Variants in ARHGAP35 observed in about 807,000 individuals in gnomAD.
The protein encoded by ARHGAP35 is rho GTPase-activating protein 35.
ARHGAP35 carries 15 observed loss-of-function variants against 111.1 expected under a neutral mutation model. The observed-to-expected ratio is 0.13, with a 90% CI of 0.09 to 0.21. The LOEUF (loss-of-function observed/expected upper bound fraction) is 0.21, where lower values mean the gene tolerates loss of function less well. Among genes scored for constraint, ARHGAP35 ranks in the 10% least tolerant of loss-of-function variants. The pLI is 1.00. For missense variants in ARHGAP35, 1,262 were observed against 1,873.0 expected (o/e 0.67, Z 6.02); for synonymous variants, 643 against 710.3 (o/e 0.91, Z 1.51).
rs946758541 is a variant in ARHGAP35, at chr19:46,926,930, C to T, written c.3681+4574C>T. ...ACCAGCTGGGGAATTGGACTGCTTG[C>T]TCCCCTGGGAGGGATGTTGAGTTTT... On this transcript the variant is annotated intron_variant, in intron 2 of 6. Coordinates refer to ENST00000672722, the MANE Select transcript of ARHGAP35 (RefSeq NM_004491.5). This position sits in a 1 kb window ranked among gnomAD's most constrained non-coding sequence, Gnocchi z 4.1. Among the ~76,000 whole-genome samples the T allele has an allele frequency of 2.6e-5, 4 of 152,198 alleles. No homozygotes were observed. Among genetic ancestry groups the T allele is most frequent in the Admixed American group, 1.3e-4 (2 of 15,286 alleles).
In ARHGAP35 at chr19:46,988,147, C is replaced by A; in HGVS notation, c.3904+81C>A. The A allele has an allele frequency of 7.5e-7, 1 of 1,333,780 alleles. No individual in the cohort carries two copies. The highest frequency in any genetic ancestry group is 2.4e-5 in the East Asian group (1 of 41,080). 82.6% of individuals were successfully genotyped at this position (1,333,780 alleles called of 1,614,324 possible). A position where few individuals can be genotyped will look rare whatever the true frequency, so the allele number is the denominator to read the frequency against. ...CTGCCTCGGTGAACTGTCTGTGGGG[C>A]TTCGGAGCACTCCTGCCAGCACAGA... On this transcript the variant is annotated intron_variant, in intron 4 of 6. Transcript: ENST00000672722. The surrounding 1 kb of genome is among the most constrained non-coding windows in gnomAD (Gnocchi z 5.4).
At position 46,920,694 on chromosome 19, in the gene ARHGAP35, T is replaced by C. The variant is rs2056193562; in HGVS notation, c.2019T>C (p.Tyr673=). Reference sequence around the variant, plus strand: ...ACAATTCAAAGGAATCGCTATCCTATGTAGTGGAAAGTATAGAGAAGAGTA... The same window carrying C: ...ACAATTCAAAGGAATCGCTATCCTACGTAGTGGAAAGTATAGAGAAGAGTA... The part of the protein sequence containing the change: ...CLYNSKESLS[Y]VVESIEKSRE... The change falls in exon 2 of 7, where the codon TAT becomes TAC. Residue 673 remains tyrosine (Y), a synonymous_variant. Coordinates refer to ENST00000672722, the MANE Select transcript of ARHGAP35 (RefSeq NM_004491.5). This position sits in a 1 kb window ranked among gnomAD's most constrained non-coding sequence, Gnocchi z 7.0. 6.2e-7 allele frequency: 1 copy of C among 1,613,774 alleles called. No homozygotes were observed. Among genetic ancestry groups the C allele is most frequent in the Non-Finnish European group, 8.5e-7 (1 of 1,179,876 alleles).
chr19:46,946,012 C>T (rs1402588098), intron 3 of ARHGAP35, among the ~76,000 whole-genome samples: 1 of 152,100 alleles, frequency 6.6e-6, no homozygotes, highest in Admixed American at 6.5e-5. Flanking sequence ...CAGAAGGCAC[C>T]CATCTTCTCT....
At chr19:46,916,495 C>T (rs1353327063) in intron 1 of ARHGAP35, among the ~76,000 whole-genome samples, 1 of 152,140 alleles carries the variant, frequency 6.6e-6, no homozygotes, top group Non-Finnish European at 1.5e-5. Flanking sequence ...TTTTAATATG[C>T]TGAATCATCA....
intron 3 of ARHGAP35, among the ~76,000 whole-genome samples, chr19:46,939,181 C>T (rs1481245370): frequency 1.3e-5 from 2 of 151,912 alleles, no homozygotes; most frequent in African/African-American, 4.8e-5. Flanking sequence ...TCACTTATTG[C>T]CCAGGCTAGT....
chr19:46,984,537 T>C (rs1016409113), intron 3 of ARHGAP35, among the ~76,000 whole-genome samples: 2 of 152,216 alleles, frequency 1.3e-5, no homozygotes, highest in African/African-American at 4.8e-5. Flanking sequence ...TTTTTAATCT[T>C]TTTTTAATTG....
chr19:46,873,623 C>T (rs966277652), intron 1 of ARHGAP35, among the ~76,000 whole-genome samples: 2 of 127,986 alleles, frequency 1.6e-5, no homozygotes, highest in Non-Finnish European at 3.3e-5. Flanking sequence ...GCTGACAGAG[C>T]GAGACTCTTT....
intron 3 of ARHGAP35, among the ~76,000 whole-genome samples, chr19:46,975,623 G>A (rs989158883): frequency 7.1e-6 from 1 of 141,834 alleles, no homozygotes; most frequent in Non-Finnish European, 1.6e-5. Flanking sequence ...TCTGGCAGAG[G>A]CCGTTCACAG....
rs1372962349 is a variant in ARHGAP35, at chr19:46,920,882, C to T, written c.2207C>T (p.Ala736Val). Reference protein sequence around the residue: ...SKLQCVFLDPASAGIGYGRNI... With the variant: ...SKLQCVFLDPVSAGIGYGRNI... ...CTTCAGTGTGTCTTTCTCGACCCTG[C>T]TTCTGCTGGCATTGGTTACGGACGC... The change falls in exon 2 of 7, where the codon GCT (alanine) becomes GTT (valine). Residue 736 changes from alanine (A) to valine (V), a missense_variant. Ala to Val is a moderately conservative substitution (Grantham distance 64, BLOSUM62 0). Coordinates refer to ENST00000672722, the MANE Select transcript of ARHGAP35 (RefSeq NM_004491.5). The surrounding 1 kb of genome is among the most constrained non-coding windows in gnomAD (Gnocchi z 7.0). The T allele has an allele frequency of 1.2e-6, 2 of 1,613,962 alleles. No homozygotes were observed. Among genetic ancestry groups the T allele is most frequent in the Admixed American group, 1.7e-5 (1 of 60,004 alleles).
intron 1 of ARHGAP35, among the ~76,000 whole-genome samples, chr19:46,872,418 T>C (rs994579217): frequency 6.6e-6 from 1 of 151,904 alleles, no homozygotes; most frequent in African/African-American, 2.4e-5. Flanking sequence ...AAAAAAAGAT[T>C]AAACAAGTTT....
intron 1 of ARHGAP35, among the ~76,000 whole-genome samples, chr19:46,863,775 C>T (rs760663045): frequency 3.9e-5 from 6 of 152,264 alleles, no homozygotes; most frequent in South Asian, 4.1e-4. Flanking sequence ...ACAGTTGGAC[C>T]TAGGGAAGCT....
At chr19:46,963,814 C>A (rs2056498152) in intron 3 of ARHGAP35, among the ~76,000 whole-genome samples, 1 of 152,148 alleles carries the variant, frequency 6.6e-6, no homozygotes, top group African/African-American at 2.4e-5. Context: ...TTCACAAATG[C>A]CAGCAGATGC....
At chr19:46,868,974 C>T (rs1186562512) in intron 1 of ARHGAP35, among the ~76,000 whole-genome samples, 1 of 126,882 alleles carries the variant, frequency 7.9e-6, no homozygotes, top group Non-Finnish European at 1.6e-5. Flanking sequence ...GGTACCATCT[C>T]AGCTCACTAC....
intron 2 of ARHGAP35, among the ~76,000 whole-genome samples, chr19:46,934,049 T>C (rs906802831): frequency 2.0e-5 from 3 of 152,242 alleles, no homozygotes; most frequent in Non-Finnish European, 4.4e-5. Context: ...TTTCTGTTCC[T>C]TCACAGCGGT....
chr19:46,987,417 GT>G (rs1466234381), intron 3 of ARHGAP35, among the ~76,000 whole-genome samples: 1 of 151,284 alleles, frequency 6.6e-6, no homozygotes, highest in Non-Finnish European at 1.5e-5. Flanking sequence ...GTTTCACTAT[GT>G]TGGCCAGGCT....
At position 46,921,215 on chromosome 19, in the gene ARHGAP35, G is replaced by A. The variant is rs1191947591; in HGVS notation, c.2540G>A (p.Arg847Lys). The change falls in exon 2 of 7, where the codon AGA (arginine) becomes AAA (lysine). Residue 847 changes from arginine to lysine, a missense_variant. Around this residue, in one of 8 missense-constraint regions of ARHGAP35, gnomAD observed 579 missense variants for 716.9 expected, o/e 0.81. Transcript: ENST00000672722. The surrounding 1 kb of genome is among the most constrained non-coding windows in gnomAD (Gnocchi z 4.3). ...TCATACCATTCCTCCTTTAGCATCA[G>A]AAAGAGCCGGTTGGTTCATGGGTAC... ...VLSYHSSFSI[R>K]KSRLVHGYIV... is the part of the protein sequence containing the mutation. 1 of 1,613,900 alleles carries A rather than the reference G, an allele frequency of 6.2e-7. No homozygotes were observed. Among genetic ancestry groups the A allele is most frequent in the Non-Finnish European group, 8.5e-7 (1 of 1,179,910 alleles).
rs2056238373 is a variant in ARHGAP35, at chr19:46,926,423, T to TC, written c.3681+4070dup. The stretch of plus-strand genomic sequence containing the variant: ...GTTGTTGTTGCACATGGTCTCTGTC[T>TC]CCCAGTGCCATGCGTTTGCAAAGAC... On this transcript the variant is annotated intron_variant, in intron 2 of 6. Transcript: ENST00000672722. This position sits in a 1 kb window ranked among gnomAD's most constrained non-coding sequence, Gnocchi z 4.1. 6.6e-6 allele frequency among the ~76,000 whole-genome samples: 1 copy of TC among 152,166 alleles called. No individual in the cohort carries two copies.
chr19:46,916,475 C>T (rs926439140), intron 1 of ARHGAP35, among the ~76,000 whole-genome samples: 3 of 152,046 alleles, frequency 2.0e-5, no homozygotes, highest in Admixed American at 6.5e-5. Context: ...AAAGGCTGGG[C>T]TTGGGGACCT....
At position 46,989,747 on chromosome 19, in the gene ARHGAP35, C is replaced by T; in HGVS notation, c.4036+72C>T. On this transcript the variant is annotated intron_variant, in intron 5 of 6. Coordinates refer to ENST00000672722, the MANE Select transcript of ARHGAP35 (RefSeq NM_004491.5). The surrounding 1 kb of genome is among the most constrained non-coding windows in gnomAD (Gnocchi z 5.3). Reference sequence around the variant, plus strand: ...TTGGCACTGGAAGAATAGGTCCTGCCCTCAGAATGGATGCTGGCTGTTAGA... The same window carrying T: ...TTGGCACTGGAAGAATAGGTCCTGCTCTCAGAATGGATGCTGGCTGTTAGA... 6.3e-7 allele frequency: 1 copy of T among 1,596,196 alleles called. No homozygotes were observed. Among genetic ancestry groups the T allele is most frequent in the Non-Finnish European group, 8.5e-7 (1 of 1,170,530 alleles).
Sources: allele counts gnomAD v4.1 joint callset (sites outside exome capture counted in the v4.1 genomes callset), GRCh38; gene constraint gnomAD v4.1.1; regional missense constraint gnomAD v4.1.1; non-coding constraint Gnocchi (gnomAD v3.1); transcripts MANE v1.5; gene names NCBI Gene and HGNC (gene_info 2026-07-23, HGNC 2026-07-21).